Variants in CNTNAP2 observed in about 807,000 individuals in gnomAD.
The protein encoded by CNTNAP2 is contactin associated protein 2.
Under a neutral mutation model 155.2 loss-of-function variants are expected in CNTNAP2, and 98 were observed. The observed-to-expected ratio is 0.63, with a 90% CI of 0.54 to 0.75. The LOEUF is 0.75. CNTNAP2 is among the 30% of genes least tolerant of loss of function. The pLI is 0.00. For missense variants in CNTNAP2, 1,727 were observed against 1,688.1 expected (o/e 1.02, Z -0.40); for synonymous variants, 651 against 631.2 (o/e 1.03, Z -0.47).
At chr7:147,185,972 T>C (rs923910358) in intron 8 of CNTNAP2, among the ~76,000 whole-genome samples, 5 of 152,192 alleles carry the variant, frequency 3.3e-5, no homozygotes, top group African/African-American at 1.2e-4. Context: ...TCCACCATGA[T>C]TGTGAACTCG....
chr7:147,333,844 T>C (rs1033373896), intron 9 of CNTNAP2, among the ~76,000 whole-genome samples: 15 of 152,186 alleles, frequency 9.9e-5, no homozygotes, highest in African/African-American at 3.4e-4. Context: ...AGTCATGGAC[T>C]AGAGTATAGG....
chr7:146,648,723 C>G (rs1029460529), intron 1 of CNTNAP2, among the ~76,000 whole-genome samples: 1 of 152,040 alleles, frequency 6.6e-6, no homozygotes, highest in African/African-American at 2.4e-5. Context: ...TATTTTGGAT[C>G]TTTAAGACCT....
At position 147,602,299 on chromosome 7, in the gene CNTNAP2, T is replaced by C. The variant is rs141185637; in HGVS notation, c.1898-36807T>C. ...TCAAAATAAATTTGTTTTCTAGTAT[T>C]CTCCAAAGGCAATCAATGAAACCTA... On this transcript the variant is annotated intron_variant, in intron 12 of 23. Transcript: ENST00000361727. 7.5e-4 allele frequency among the ~76,000 whole-genome samples: 114 copies of C among 152,202 alleles called. 2 individuals carry two copies. In the East Asian group the frequency reaches 7.5e-3, roughly 10 times the overall value.
chr7:146,476,132 GT>G (rs1395351752), intron 1 of CNTNAP2, among the ~76,000 whole-genome samples: 1 of 152,050 alleles, frequency 6.6e-6, no homozygotes, highest in African/African-American at 2.4e-5. Flanking sequence ...ATTTGTACTG[GT>G]TTCAGATACA....
At chr7:146,124,377 T>A (rs1797605794) in intron 1 of CNTNAP2, among the ~76,000 whole-genome samples, 1 of 152,182 alleles carries the variant, frequency 6.6e-6, no homozygotes, top group African/African-American at 2.4e-5. Flanking sequence ...CACCTCTTAA[T>A]GGGAACCAAA....
intron 9 of CNTNAP2, among the ~76,000 whole-genome samples, chr7:147,342,774 T>G (rs1343187957): frequency 6.6e-6 from 1 of 152,114 alleles, no homozygotes; most frequent in Non-Finnish European, 1.5e-5. Context: ...TAATGAAATG[T>G]GATCCTAAAA....
intron 1 of CNTNAP2, among the ~76,000 whole-genome samples, chr7:146,622,956 C>CAA (rs1285951271): frequency 1.4e-3 from 115 of 83,190 alleles, no homozygotes; most frequent in Admixed American, 3.7e-3. Flanking sequence ...GACTCCATCT[C>CAA]AAAAAAAAAA....
chr7:147,829,373 A>G lies in CNTNAP2; in HGVS notation c.2099-74192A>G, dbSNP rs1051216985. On this transcript the variant is annotated intron_variant, in intron 13 of 23. Transcript: ENST00000361727. ...TACCGGGAAATTAATACGAGCTCAC[A>G]CTTTAGAAAGTCTTGATTAAGTGTC... Among the ~76,000 whole-genome samples the G allele has an allele frequency of 1.2e-4, 18 of 152,318 alleles. No individual in the cohort carries two copies. In the East Asian group the frequency reaches 3.5e-3, roughly 29 times the overall value.
chr7:146,903,424 AAT>A (rs1796047489), intron 3 of CNTNAP2, among the ~76,000 whole-genome samples: 1 of 152,206 alleles, frequency 6.6e-6, no homozygotes, highest in African/African-American at 2.4e-5. Flanking sequence ...CCCCAAACTT[AAT>A]ATGTTAAAAA....
intron 1 of CNTNAP2, among the ~76,000 whole-genome samples, chr7:146,324,145 C>T (rs766922854): frequency 1.3e-5 from 2 of 151,958 alleles, no homozygotes; most frequent in Non-Finnish European, 2.9e-5. Context: ...GCCTGTAATC[C>T]CAGGTACTTG....
At chr7:147,710,490 G>A (rs1584913310) in intron 13 of CNTNAP2, among the ~76,000 whole-genome samples, 1 of 151,958 alleles carries the variant, frequency 6.6e-6, no homozygotes, top group African/African-American at 2.4e-5. Context: ...ACTTCTACAA[G>A]CCTTCAAACC....
chr7:146,717,917 A>G (rs74585018), intron 1 of CNTNAP2, among the ~76,000 whole-genome samples: 1,910 of 151,352 alleles, frequency 0.013, 38 homozygotes, highest in African/African-American at 0.043. Flanking sequence ...CGGATGACCA[A>G]TGGCAGTGCC....
intron 8 of CNTNAP2, among the ~76,000 whole-genome samples, chr7:147,160,812 A>C (rs549751860): frequency 7.7e-4 from 117 of 152,266 alleles, no homozygotes; most frequent in African/African-American, 2.6e-3. Flanking sequence ...ATAGACACAG[A>C]ATGCTCAAAT....
At chr7:147,552,607 C>CAGAG (rs1554404495) in intron 11 of CNTNAP2, among the ~76,000 whole-genome samples, 1 of 144,728 alleles carries the variant, frequency 6.9e-6, no homozygotes, top group African/African-American at 2.5e-5. Flanking sequence ...CACACACACA[C>CAGAG]AGAGATATAA....
chr7:146,972,161 T>C (rs1797813747), intron 3 of CNTNAP2, among the ~76,000 whole-genome samples: 2 of 152,144 alleles, frequency 1.3e-5, no homozygotes, highest in South Asian at 4.1e-4. Context: ...AGATACTAAA[T>C]GAATTAGCAC....
intron 1 of CNTNAP2, among the ~76,000 whole-genome samples, chr7:146,323,277 G>A (rs1033859295): frequency 4.5e-4 from 68 of 151,666 alleles, no homozygotes; most frequent in African/African-American, 1.6e-3. Context: ...TTGTCTAAAG[G>A]TTCTTTGTCA....
At chr7:147,299,626 A>G (rs558952106) in intron 8 of CNTNAP2, among the ~76,000 whole-genome samples, 1 of 152,236 alleles carries the variant, frequency 6.6e-6, no homozygotes, top group East Asian at 1.9e-4. Context: ...AAAACAAGCT[A>G]TACAGAAAAA....
intron 20 of CNTNAP2, among the ~76,000 whole-genome samples, chr7:148,258,891 C>A (rs975515534): frequency 2.0e-5 from 3 of 151,746 alleles, no homozygotes; most frequent in Non-Finnish European, 4.4e-5. Flanking sequence ...AAAAATTAGC[C>A]AGGCAGCCAG....
intron 20 of CNTNAP2, among the ~76,000 whole-genome samples, chr7:148,230,673 A>G (rs1795945889): frequency 6.6e-6 from 1 of 152,222 alleles, no homozygotes; most frequent in Non-Finnish European, 1.5e-5. Context: ...GGTGGATGTC[A>G]GATTCATAAC....
Sources: gnomAD v4.1 joint callset for allele counts (sites outside exome capture counted in the v4.1 genomes callset) on GRCh38, gnomAD v4.1.1 for gene constraint, MANE v1.5 for transcripts, NCBI Gene and HGNC (gene_info 2026-07-23, HGNC 2026-07-21) for gene names.